Variants in KCNMA1 observed in about 807,000 individuals in gnomAD.
The protein encoded by KCNMA1 is Calcium-activated potassium channel subunit alpha-1.
KCNMA1 carries 29 observed loss-of-function variants against 140.0 expected under a neutral mutation model. The observed-to-expected ratio is 0.21, with a 90% CI of 0.15 to 0.28. The LOEUF is 0.28. Among genes scored for constraint, KCNMA1 ranks in the 10% least tolerant of loss-of-function variants. KCNMA1 has a pLI of 1.00. For synonymous variants in KCNMA1, 612 were observed against 611.9 expected (o/e 1.00, Z 0.00); for missense variants, 880 against 1,602.2 (o/e 0.55, Z 7.70).
chr10:77,330,056 A>T (rs1332606753), intron 2 of KCNMA1, among the ~76,000 whole-genome samples: 1 of 152,176 alleles, frequency 6.6e-6, no homozygotes, highest in Admixed American at 6.5e-5. Flanking sequence ...TGGTTTGCAC[A>T]GGTGCCCTTT....
At chr10:77,120,883 A>G (rs1308110168) in intron 6 of KCNMA1, 90 bp downstream of exon 6, 9 of 757,006 alleles carry the variant, frequency 1.2e-5, no homozygotes, top group Non-Finnish European at 1.9e-5. Flanking sequence ...AACTATTAAT[A>G]ATGTCATTGT....
chr10:77,420,781 C>G (rs945840261), intron 1 of KCNMA1, among the ~76,000 whole-genome samples: 1 of 152,202 alleles, frequency 6.6e-6, no homozygotes, highest in Non-Finnish European at 1.5e-5. Context: ...AGGAGGGAGG[C>G]CAAGCATCAC....
At chr10:77,252,550 TGTGTGTGC>T (rs1215575824) in intron 2 of KCNMA1, among the ~76,000 whole-genome samples, 1 of 151,752 alleles carries the variant, frequency 6.6e-6, no homozygotes, top group African/African-American at 2.4e-5. Flanking sequence ...TGTGTGTGTG[TGTGTGTGC>T]GGGCACGTGT....
intron 5 of KCNMA1, among the ~76,000 whole-genome samples, chr10:77,145,033 C>G (rs902675259): frequency 2.6e-5 from 4 of 152,236 alleles, no homozygotes; most frequent in African/African-American, 9.6e-5. Context: ...AGGGCCCAGT[C>G]AAACTGGTCT....
chr10:76,969,470 A>G (rs1325882869), intron 20 of KCNMA1, among the ~76,000 whole-genome samples: 1 of 152,266 alleles, frequency 6.6e-6, no homozygotes, highest in Admixed American at 6.5e-5. Context: ...GTCAAAATCA[A>G]TTAACAGAAA....
At chr10:77,155,277 T>C (rs1229166235) in intron 5 of KCNMA1, among the ~76,000 whole-genome samples, 1 of 152,238 alleles carries the variant, frequency 6.6e-6, no homozygotes, top group Admixed American at 6.5e-5. Flanking sequence ...CTGCCTGCTA[T>C]TGATCTCCAA....
intron 4 of KCNMA1, among the ~76,000 whole-genome samples, chr10:77,184,131 TACTC>T (rs1284989439): frequency 1.3e-5 from 2 of 151,968 alleles, no homozygotes; most frequent in East Asian, 1.9e-4. Flanking sequence ...CTTTCATTCA[TACTC>T]ACAACTGCTC....
intron 5 of KCNMA1, among the ~76,000 whole-genome samples, chr10:77,166,042 G>A (rs2098638183): frequency 6.6e-6 from 1 of 152,216 alleles, no homozygotes; most frequent in African/African-American, 2.4e-5. Context: ...GGGCAGGTCA[G>A]TGCATGGAAA....
At chr10:77,488,921 A>G (rs1400229185) in intron 1 of KCNMA1, among the ~76,000 whole-genome samples, 3 of 152,158 alleles carry the variant, frequency 2.0e-5, no homozygotes, top group East Asian at 3.9e-4. Flanking sequence ...CAACCTCTCA[A>G]CTTACAGGCC....
intron 1 of KCNMA1, among the ~76,000 whole-genome samples, chr10:77,404,501 C>G (rs564008227): frequency 6.6e-6 from 1 of 152,286 alleles, no homozygotes; most frequent in African/African-American, 2.4e-5. Flanking sequence ...TGGTCTCAAA[C>G]TCCTGACCTC....
At chr10:77,121,130 C>T in intron 5 of KCNMA1, 82 bp from the exon 6 acceptor site, 2 of 914,376 alleles carry the variant, frequency 2.2e-6, no homozygotes, top group Non-Finnish European at 3.5e-6. Flanking sequence ...ATTTACAGTT[C>T]CCAAGGGTCG....
chr10:77,473,993 G>A lies in KCNMA1; in HGVS notation c.379-69970C>T, dbSNP rs1215583652. ...TCCTCCTCCGCCTCACCCAGGGCCG[G>A]TCCTTAGAGCAGTCACAATGATGAA... On this transcript the variant is annotated intron_variant, in intron 1 of 27. Coordinates refer to ENST00000286628, the MANE Select transcript of KCNMA1 (RefSeq NM_001161352.2). Among the ~76,000 whole-genome samples the A allele has an allele frequency of 2.6e-5, 4 of 152,292 alleles. No individual in the cohort carries two copies. In the East Asian group the frequency reaches 5.8e-4, roughly 22 times the overall value.
intron 2 of KCNMA1, among the ~76,000 whole-genome samples, chr10:77,267,651 T>A (rs2063796822): frequency 6.6e-6 from 1 of 152,224 alleles, no homozygotes; most frequent in Admixed American, 6.5e-5. Flanking sequence ...TCGGCCCCAC[T>A]CATTTTCCCA....
intron 14 of KCNMA1, 54 bp downstream of exon 14, chr10:77,073,043 C>T: frequency 1.9e-6 from 3 of 1,553,148 alleles, no homozygotes; most frequent in African/African-American, 1.4e-5. Flanking sequence ...CTCTACTCAA[C>T]CCCACGACAA....
At chr10:76,879,399 C>T (rs2033612656) in intron 29 of KCNMA1, among the ~76,000 whole-genome samples, 1 of 152,124 alleles carries the variant, frequency 6.6e-6, no homozygotes, top group Non-Finnish European at 1.5e-5. Context: ...TTGATTTGAA[C>T]AGATTGGACG....
intron 2 of KCNMA1, among the ~76,000 whole-genome samples, chr10:77,367,929 C>T (rs1180338579): frequency 6.6e-6 from 1 of 152,154 alleles, no homozygotes; most frequent in East Asian, 1.9e-4. Flanking sequence ...GGATGTATCA[C>T]AGTTGTTTTA....
At position 77,273,879 on chromosome 10, in the gene KCNMA1, T is replaced by C. The variant is rs1600827262; in HGVS notation, c.541-22623A>G. On this transcript the variant is annotated intron_variant, in intron 2 of 27. Transcript: ENST00000286628. Reference sequence around the variant, plus strand: ...ACATGACAAAGACCCCTTATTCAGATGATATTCTAGTGGGGAAGGCACCAC... The same window carrying C: ...ACATGACAAAGACCCCTTATTCAGACGATATTCTAGTGGGGAAGGCACCAC... 2.0e-5 allele frequency among the ~76,000 whole-genome samples: 3 copies of C among 152,148 alleles called. No individual in the cohort carries two copies. In the East Asian group the frequency reaches 5.8e-4, roughly 29 times the overall value.
At chr10:77,264,613 A>G (rs2154270479) in intron 2 of KCNMA1, among the ~76,000 whole-genome samples, 1 of 152,246 alleles carries the variant, frequency 6.6e-6, no homozygotes, top group Admixed American at 6.5e-5. Flanking sequence ...CAGTTTTAAG[A>G]GCTTTGACAT....
intron 3 of KCNMA1, among the ~76,000 whole-genome samples, chr10:77,203,441 C>T (rs1041379734): frequency 9.2e-5 from 14 of 152,152 alleles, no homozygotes; most frequent in Admixed American, 3.9e-4. Flanking sequence ...CTCCCCTGAT[C>T]CTCCTCCCAC....
Sources: allele counts gnomAD v4.1 joint callset (sites outside exome capture counted in the v4.1 genomes callset), GRCh38; gene constraint gnomAD v4.1.1; transcripts MANE v1.5; gene names NCBI Gene and HGNC (gene_info 2026-07-23, HGNC 2026-07-21).